Variants in CEP97 observed in about 807,000 individuals in gnomAD.
CEP97 encodes the protein centrosomal protein of 97 kDa.
CEP97 carries 43 observed loss-of-function variants against 73.1 expected under a neutral mutation model. That is an observed-to-expected ratio of 0.59 (90% CI 0.46 to 0.76). CEP97 has a LOEUF of 0.76. Ranked by LOEUF, CEP97 falls within the 30% of genes least tolerant of loss-of-function variation. The pLI, the probability that CEP97 is intolerant of heterozygous loss-of-function variation, is 0.00. For synonymous variants in CEP97, 337 were observed against 370.0 expected (o/e 0.91, Z 1.02); for missense variants, 939 against 1,014.0 (o/e 0.93, Z 1.00).
rs1939278060 is a variant in CEP97, at chr3:101,765,120, A to G, written c.2167A>G (p.Ser723Gly). 1 of 1,614,212 alleles carries G rather than the reference A, an allele frequency of 6.2e-7. No homozygotes were observed. Among genetic ancestry groups the G allele is most frequent in the East Asian group, 2.2e-5 (1 of 44,874 alleles). ...SLQHSLDFEKSSTEGSESSIM... is the reference protein window; with the variant it reads ...SLQHSLDFEKGSTEGSESSIM... ...GCAGCATTCTTTGGATTTTGAGAAA[A>G]GTTCCACAGAAGGCAGTGAAAGCTC... The change falls in exon 11 of 11, where the codon AGT becomes GGT. Residue 723 changes from serine to glycine, a missense_variant. Physicochemically the swap from Ser to Gly is moderately conservative, Grantham distance 56. Transcript: ENST00000341893.
intron 6 of CEP97, among the ~76,000 whole-genome samples, chr3:101,747,730 TG>T (rs1938668710): frequency 6.6e-6 from 1 of 151,524 alleles, no homozygotes; most frequent in Non-Finnish European, 1.5e-5. Flanking sequence ...CAGAGCAGGT[TG>T]TTTTAAGTTC....
chr3:101,726,066 G>C (rs1342707069), intron 1 of CEP97, among the ~76,000 whole-genome samples: 2 of 152,082 alleles, frequency 1.3e-5, no homozygotes, highest in African/African-American at 4.8e-5. Flanking sequence ...TTGAGTGCCC[G>C]GTGGCAGGAA....
In CEP97 at chr3:101,769,408, GTAC is replaced by G. The variant is rs1939404903; in HGVS notation, c.*3858_*3860del. 1 of 151,362 alleles carries G rather than the reference GTAC, an allele frequency of 6.6e-6. No homozygotes were observed. The highest frequency in any genetic ancestry group is 1.5e-5 in the Non-Finnish European group (1 of 67,918). The allele number at this position is 151,362 out of a possible 1,614,324, so 9.4% of individuals were successfully genotyped here. On this transcript the variant is annotated 3_prime_UTR_variant, in exon 11 of 11. Coordinates refer to ENST00000341893, the MANE Select transcript of CEP97 (RefSeq NM_024548.4). ...GCTCACTGCAACCTCCACTTCCTGG[GTAC>G]AAGCGATTCTCCTGCCTCAGCTTCC...
At chr3:101,744,075 G>T (rs1938538563) in intron 6 of CEP97, among the ~76,000 whole-genome samples, 1 of 151,864 alleles carries the variant, frequency 6.6e-6, no homozygotes, top group African/African-American at 2.4e-5. Flanking sequence ...CCACTCTAGG[G>T]GACGATAAAT....
At chr3:101,751,623 A>G (rs930817233) in intron 6 of CEP97, among the ~76,000 whole-genome samples, 1 of 152,162 alleles carries the variant, frequency 6.6e-6, no homozygotes, top group Admixed American at 6.6e-5. Flanking sequence ...TATATTTAGG[A>G]TAGTTAGCTC....
chr3:101,738,219 A>G (rs1938343647), intron 6 of CEP97, among the ~76,000 whole-genome samples: 1 of 152,120 alleles, frequency 6.6e-6, no homozygotes, highest in South Asian at 2.1e-4. Context: ...GAGACTTACA[A>G]AGAGACTTAG....
intron 6 of CEP97, among the ~76,000 whole-genome samples, chr3:101,736,939 C>T (rs1008175782): frequency 2.6e-5 from 4 of 152,282 alleles, no homozygotes; most frequent in South Asian, 2.1e-4. Context: ...AAGCTAAGAA[C>T]CTTGAACAAA....
chr3:101,728,605 A>G (rs1217149972), intron 3 of CEP97, among the ~76,000 whole-genome samples: 1 of 151,864 alleles, frequency 6.6e-6, no homozygotes, highest in Non-Finnish European at 1.5e-5. Flanking sequence ...CTTGGATGGT[A>G]TGAACTACTT....
chr3:101,749,226 T>C (rs1204107749), intron 6 of CEP97, among the ~76,000 whole-genome samples: 1 of 149,530 alleles, frequency 6.7e-6, no homozygotes. Flanking sequence ...TTCCCACCTA[T>C]GAGTGAGAAC....
intron 6 of CEP97, among the ~76,000 whole-genome samples, chr3:101,741,915 A>G (rs962963468): frequency 3.6e-4 from 54 of 151,912 alleles, no homozygotes; most frequent in Middle Eastern, 3.4e-3. Context: ...GGTGGCGCGC[A>G]CCTGTAATCC....
At chr3:101,760,730 A>G (rs911944356) in intron 9 of CEP97, among the ~76,000 whole-genome samples, 83 of 152,074 alleles carry the variant, frequency 5.5e-4, no homozygotes, top group African/African-American at 1.9e-3. Flanking sequence ...TTTTTTAAAG[A>G]GATGAAGTCT....
At chr3:101,738,266 C>T (rs748973937) in intron 6 of CEP97, among the ~76,000 whole-genome samples, 2 of 152,062 alleles carry the variant, frequency 1.3e-5, no homozygotes, top group Admixed American at 1.3e-4. Flanking sequence ...TTTAACACCC[C>T]ACTGTCAAAA....
At chr3:101,736,640 A>T (rs1030975024) in intron 6 of CEP97, among the ~76,000 whole-genome samples, 2 of 152,236 alleles carry the variant, frequency 1.3e-5, no homozygotes, top group South Asian at 2.1e-4. Context: ...AACAGAAAGG[A>T]ATAGCATCAA....
chr3:101,729,275 T>C (rs1938014687), intron 4 of CEP97, among the ~76,000 whole-genome samples: 1 of 151,636 alleles, frequency 6.6e-6, no homozygotes, highest in South Asian at 2.1e-4. Context: ...GAGGTGGAGG[T>C]TGTGGTGACC....
chr3:101,741,216 G>T (rs1938442081), intron 6 of CEP97, among the ~76,000 whole-genome samples: 1 of 152,182 alleles, frequency 6.6e-6, no homozygotes, highest in African/African-American at 2.4e-5. Context: ...CTAGCCATAT[G>T]CAGAAAACTG....
Position 101,724,662 on chromosome 3 carries a change from T to A in CEP97, c.-15T>A. On this transcript the variant is annotated 5_prime_UTR_variant, in exon 1 of 11. Coordinates refer to ENST00000341893, the MANE Select transcript of CEP97 (RefSeq NM_024548.4). Reference sequence around the variant, plus strand: ...CGGGAGGACGGTTGCCTGGTATTATTAGCAAGCAGCAAATATGGCGGTGGC... The same window carrying A: ...CGGGAGGACGGTTGCCTGGTATTATAAGCAAGCAGCAAATATGGCGGTGGC... 1.2e-6 allele frequency: 2 copies of A among 1,614,206 alleles called. No homozygotes were observed. Among genetic ancestry groups the A allele is most frequent in the Non-Finnish European group, 1.7e-6 (2 of 1,180,024 alleles).
chr3:101,727,557 T>C lies in CEP97; in HGVS notation c.345+16T>C. The C allele has an allele frequency of 6.3e-7, 1 of 1,585,776 alleles. No homozygotes were observed. The highest frequency in any genetic ancestry group is 8.6e-7 in the Non-Finnish European group (1 of 1,167,698). ...TAATCTTAAGGTGAATGGTTTCTTT[T>C]TTGTTTACAAAACTATTCTGCGTAA... On this transcript the variant is annotated intron_variant, in intron 3 of 10. Coordinates refer to ENST00000341893, the MANE Select transcript of CEP97 (RefSeq NM_024548.4).
chr3:101,751,769 A>G (rs1938830047), intron 6 of CEP97, among the ~76,000 whole-genome samples: 2 of 151,948 alleles, frequency 1.3e-5, no homozygotes, highest in African/African-American at 4.8e-5. Flanking sequence ...TGCTTGGTAG[A>G]TCTTCCTCCA....
intron 6 of CEP97, among the ~76,000 whole-genome samples, chr3:101,740,392 A>G (rs1207759542): frequency 1.3e-5 from 2 of 152,228 alleles, no homozygotes; most frequent in African/African-American, 4.8e-5. Flanking sequence ...TAAAATACCT[A>G]GGAATACAAC....
Sources: gnomAD v4.1 joint callset for allele counts (sites outside exome capture counted in the v4.1 genomes callset) on GRCh38, gnomAD v4.1.1 for gene constraint, MANE v1.5 for transcripts, NCBI Gene and HGNC (gene_info 2026-07-23, HGNC 2026-07-21) for gene names.